The following FOCAD variants were observed in gnomAD, a reference collection of about 807,000 sequenced individuals.
FOCAD encodes focadhesin.
Under a neutral mutation model 225.6 loss-of-function variants are expected in FOCAD, and 198 were observed. That is an observed-to-expected ratio of 0.88 (90% CI 0.78 to 0.99). The LOEUF is 0.99. FOCAD is among the 50% of genes least tolerant of loss of function. The pLI, the probability that FOCAD is intolerant of heterozygous loss-of-function variation, is 0.00. For synonymous variants in FOCAD, 897 were observed against 755.0 expected (o/e 1.19, Z -3.08); for missense variants, 2,713 against 2,123.6 (o/e 1.28, Z -5.46).
At chr9:20,872,641 G>A (rs1829891197) in intron 18 of FOCAD, among the ~76,000 whole-genome samples, 1 of 144,852 alleles carries the variant, frequency 6.9e-6, no homozygotes, top group Non-Finnish European at 1.5e-5. Context: ...TTTCTTGCTT[G>A]CTTGCTTGCT....
At chr9:20,874,540 T>G (rs984164191) in intron 18 of FOCAD, 141 bp from the exon 19 acceptor site, 56 of 763,766 alleles carry the variant, frequency 7.3e-5, no homozygotes, top group Non-Finnish European at 1.0e-4. Context: ...TTTTAAAAAA[T>G]TAATTTCAGT....
chr9:20,672,797 T>C (rs1348316726), intron 2 of FOCAD, among the ~76,000 whole-genome samples: 2 of 152,210 alleles, frequency 1.3e-5, no homozygotes, highest in South Asian at 2.1e-4. Flanking sequence ...CAGGAAAAAC[T>C]TATGTTACTT....
At chr9:20,926,835 A>G (rs1311376173) in intron 26 of FOCAD, among the ~76,000 whole-genome samples, 1 of 151,472 alleles carries the variant, frequency 6.6e-6, no homozygotes, top group Non-Finnish European at 1.5e-5. Flanking sequence ...ATATAGTGTA[A>G]TGATTCTCAG....
At chr9:20,732,724 T>C (rs1195363192) in intron 4 of FOCAD, among the ~76,000 whole-genome samples, 2 of 152,114 alleles carry the variant, frequency 1.3e-5, no homozygotes, top group Admixed American at 6.6e-5. Flanking sequence ...TGGCTGTTGC[T>C]GTAGTCGAGT....
intron 2 of FOCAD, among the ~76,000 whole-genome samples, chr9:20,663,474 A>AACACACACAC (rs367867901): frequency 1.1e-3 from 164 of 149,046 alleles, no homozygotes; most frequent in African/African-American, 2.1e-3. Flanking sequence ...TGTGTGCATG[A>AACACACACAC]ACACACACAC....
chr9:20,929,780 G>A lies in FOCAD; in HGVS notation c.3317+184G>A, dbSNP rs7867416. On this transcript the variant is annotated intron_variant, in intron 27 of 43. Transcript: ENST00000338382. ...AAATTTATCTATCTAAAATACCATC[G>A]TGTAGGTATTAATGTATTTTAAGGG... Among the ~76,000 whole-genome samples the A allele has an allele frequency of 0.22, 33,661 of 152,012 alleles. 4,037 individuals carry two copies. The highest frequency in any genetic ancestry group is 0.32 in the South Asian group (1,526 of 4,812).
At chr9:20,659,152 G>A (rs558155141) in intron 2 of FOCAD, among the ~76,000 whole-genome samples, 8 of 152,206 alleles carry the variant, frequency 5.3e-5, no homozygotes, top group East Asian at 1.9e-4. Flanking sequence ...CCTGGGGGGC[G>A]GAGGTTTCAG....
At chr9:20,782,113 G>A (rs1819439978) in intron 10 of FOCAD, among the ~76,000 whole-genome samples, 184 bp downstream of exon 10, 1 of 152,136 alleles carries the variant, frequency 6.6e-6, no homozygotes, top group Non-Finnish European at 1.5e-5. Flanking sequence ...GTCCTGTTGT[G>A]AAATAAGTTT....
chr9:20,720,405 A>G lies in FOCAD; in HGVS notation c.158A>G (p.Glu53Gly), dbSNP rs773204578. 1.2e-6 allele frequency: 2 copies of G among 1,613,952 alleles called. No individual in the cohort carries two copies. The highest frequency in any genetic ancestry group is 1.7e-6 in the Non-Finnish European group (2 of 1,179,960). ...ACTCCTGCTTTGAACTTGCTGTGGG[A>G]GAAGTGTTGCAGTGACAATGTAGTG... ...NQTPALNLLW[E>G]KCCSDNVVVR... Residue 53 changes from glutamate (E) to glycine (G), a missense_variant, in exon 4 of 44, where the codon GAG becomes GGG. Physicochemically the swap from Glu to Gly is moderately conservative, Grantham distance 98. Coordinates refer to ENST00000338382, the MANE Select transcript of FOCAD (RefSeq NM_001375567.1).
chr9:20,807,401 G>C lies in FOCAD; in HGVS notation c.1456-12395G>C, dbSNP rs969958866. ...AGACAGAGAATAGTGCTGTTCAATA[G>C]AAGTAAAATATGAGCTACATACGTA... On this transcript the variant is annotated intron_variant, in intron 11 of 43. Transcript: ENST00000338382. Among the ~76,000 whole-genome samples the C allele has an allele frequency of 5.9e-5, 9 of 152,196 alleles. No homozygotes were observed. In the East Asian group the frequency reaches 1.3e-3, roughly 23 times the overall value.
intron 4 of FOCAD, among the ~76,000 whole-genome samples, chr9:20,729,694 G>A (rs1256668038): frequency 1.3e-5 from 2 of 152,158 alleles, no homozygotes; most frequent in Non-Finnish European, 2.9e-5. Flanking sequence ...CTATTCCTGA[G>A]GAGTCCTCTG....
intron 21 of FOCAD, among the ~76,000 whole-genome samples, chr9:20,903,163 A>G (rs1587556384): frequency 6.6e-6 from 1 of 151,808 alleles, no homozygotes; most frequent in Admixed American, 6.6e-5. Context: ...TCCATCTCCT[A>G]ACAATCTCAC....
intron 42 of FOCAD, 45 bp downstream of exon 42, chr9:20,990,419 C>G: frequency 1.9e-6 from 3 of 1,601,456 alleles, no homozygotes; most frequent in East Asian, 2.3e-5. Context: ...CAGCCATTGT[C>G]TCTTCAGCAG....
In FOCAD at chr9:20,923,702, C is replaced by T. The variant is rs531493485; in HGVS notation, c.2895C>T (p.Ser965=). Residue 965 remains serine (S), a synonymous_variant, in exon 25 of 44, where the codon AGC becomes AGT. Coordinates refer to ENST00000338382, the MANE Select transcript of FOCAD (RefSeq NM_001375567.1). ...VVKGNALLAL[S]SLAVVVSRHE... ...AAGGCAATGCGCTGTTAGCTCTAAGCAGCCTTGCTGTCGTCGTATCTAGAC... is the reference window on the plus strand; with the variant it reads ...AAGGCAATGCGCTGTTAGCTCTAAGTAGCCTTGCTGTCGTCGTATCTAGAC... 7 of 1,614,092 alleles carry T rather than the reference C, an allele frequency of 4.3e-6. No homozygotes were observed. In the African/African-American group the frequency reaches 6.7e-5, roughly 15 times the overall value.
At chr9:20,840,225 A>C (rs2131558820) in intron 15 of FOCAD, among the ~76,000 whole-genome samples, 1 of 152,166 alleles carries the variant, frequency 6.6e-6, no homozygotes, top group East Asian at 1.9e-4. Flanking sequence ...TAGGGATTGC[A>C]ATAAATTTAT....
intron 5 of FOCAD, among the ~76,000 whole-genome samples, chr9:20,743,897 C>T (rs1827830267): frequency 6.6e-6 from 1 of 152,112 alleles, no homozygotes; most frequent in South Asian, 2.1e-4. Context: ...ACCTATGCCT[C>T]CTTTTCTTTG....
At chr9:20,755,194 A>G (rs74755714) in intron 5 of FOCAD, among the ~76,000 whole-genome samples, 2,617 of 152,326 alleles carry the variant, frequency 0.017, 32 homozygotes, top group Middle Eastern at 0.048. Context: ...CTCAGTTCTG[A>G]CATAATCAAT....
intron 5 of FOCAD, among the ~76,000 whole-genome samples, chr9:20,752,373 A>G (rs9721553): frequency 0.17 from 25,898 of 151,014 alleles, 2,617 homozygotes; most frequent in Non-Finnish European, 0.23. Context: ...AGCTTTCTCC[A>G]TATGGCTAGC....
intron 28 of FOCAD, among the ~76,000 whole-genome samples, chr9:20,937,828 C>T (rs559438264): frequency 2.0e-5 from 3 of 152,292 alleles, no homozygotes; most frequent in East Asian, 1.9e-4. Context: ...GCAATCTACT[C>T]ATCTGACAAA....
Sources: gnomAD v4.1 joint callset for allele counts (sites outside exome capture counted in the v4.1 genomes callset) on GRCh38, gnomAD v4.1.1 for gene constraint, MANE v1.5 for transcripts, NCBI Gene and HGNC (gene_info 2026-07-23, HGNC 2026-07-21) for gene names.